Variants in MAP2K5 observed in about 807,000 individuals in gnomAD.
The protein encoded by MAP2K5 is dual specificity mitogen-activated protein kinase kinase 5.
MAP2K5 carries 49 observed loss-of-function variants against 83.1 expected under a neutral mutation model. The ratio of observed to expected loss-of-function variants is 0.59; its 90% CI spans 0.47 to 0.75. The LOEUF (loss-of-function observed/expected upper bound fraction) is 0.75, where lower values mean the gene tolerates loss of function less well. Among genes scored for constraint, MAP2K5 ranks in the 30% least tolerant of loss-of-function variants. The pLI is 0.00. For missense variants in MAP2K5, 457 were observed against 557.5 expected (o/e 0.82, Z 1.82); for synonymous variants, 202 against 191.8 (o/e 1.05, Z -0.44).
chr15:67,608,497 A>G (rs1043336360), intron 8 of MAP2K5, among the ~76,000 whole-genome samples: 2 of 152,140 alleles, frequency 1.3e-5, no homozygotes, highest in African/African-American at 2.4e-5. Context: ...AGGACCCCAC[A>G]GTCTGGGGCC....
chr15:67,726,107 A>G (rs2089089159), intron 16 of MAP2K5, among the ~76,000 whole-genome samples: 1 of 152,244 alleles, frequency 6.6e-6, no homozygotes, highest in Non-Finnish European at 1.5e-5. Context: ...GTATACCTAT[A>G]TCTTGAAAAT....
intron 13 of MAP2K5, among the ~76,000 whole-genome samples, chr15:67,684,220 G>A (rs938486113): frequency 6.6e-6 from 1 of 152,116 alleles, no homozygotes; most frequent in African/African-American, 2.4e-5. Context: ...AAAATTTCTG[G>A]GGAACTATAA....
intron 8 of MAP2K5, among the ~76,000 whole-genome samples, chr15:67,614,296 A>G (rs1358363691): frequency 1.3e-5 from 2 of 152,224 alleles, no homozygotes; most frequent in Admixed American, 6.5e-5. Flanking sequence ...AAAATGTTTT[A>G]TAAACTATAA....
At chr15:67,739,279 CAA>C (rs59837680) in intron 17 of MAP2K5, among the ~76,000 whole-genome samples, 13,408 of 78,462 alleles carry the variant, frequency 0.17, 658 homozygotes, top group Admixed American at 0.2. Context: ...GACCCTGTCT[CAA>C]AAAAAAAAAA....
chr15:67,800,006 C>A (rs1167990480), intron 21 of MAP2K5, among the ~76,000 whole-genome samples: 1 of 152,126 alleles, frequency 6.6e-6, no homozygotes, highest in Non-Finnish European at 1.5e-5. Context: ...CTTATCAGGT[C>A]CTCTCCTTCC....
intron 8 of MAP2K5, among the ~76,000 whole-genome samples, chr15:67,609,412 C>A (rs1275302421): frequency 6.6e-6 from 1 of 151,384 alleles, no homozygotes; most frequent in African/African-American, 2.4e-5. Flanking sequence ...TAGACCTATT[C>A]TATAGACCTA....
intron 5 of MAP2K5, 79 bp from the exon 6 acceptor site, chr15:67,586,767 A>T (rs893796702): frequency 5.2e-6 from 7 of 1,337,170 alleles, no homozygotes; most frequent in Non-Finnish European, 7.5e-6. Flanking sequence ...TGAAATGAGA[A>T]ATTTGTGGCA....
In MAP2K5 at chr15:67,668,363, T is replaced by TA. The variant is rs1203789967; in HGVS notation, c.847+3723dup. 6.6e-6 allele frequency among the ~76,000 whole-genome samples: 1 copy of TA among 152,170 alleles called. No individual in the cohort carries two copies. Among genetic ancestry groups the TA allele is most frequent in the East Asian group, 1.9e-4 (1 of 5,198 alleles). On this transcript the variant is annotated intron_variant, in intron 13 of 21. Coordinates refer to ENST00000178640, the MANE Select transcript of MAP2K5 (RefSeq NM_145160.3). This position sits in a 1 kb window ranked among gnomAD's most constrained non-coding sequence, Gnocchi z 4.0. ...TAATTCCACATGAGGACATAATCAT[T>TA]AAAAATGTTTGAAATGCCCACCAAA...
rs1372473975 is a variant in MAP2K5, at chr15:67,677,957, T to C, written c.847+13312T>C. ...ATTGAGGATGGCTAATTATGCTGTT[T>C]AATTTTATTTAAGGCCTTTGCAAGA... On this transcript the variant is annotated intron_variant, in intron 13 of 21. Coordinates refer to ENST00000178640, the MANE Select transcript of MAP2K5 (RefSeq NM_145160.3). The surrounding 1 kb of genome is among the most constrained non-coding windows in gnomAD (Gnocchi z 4.2). 1.3e-5 allele frequency among the ~76,000 whole-genome samples: 2 copies of C among 152,234 alleles called. No individual in the cohort carries two copies. Among genetic ancestry groups the C allele is most frequent in the South Asian group, 2.1e-4 (1 of 4,832 alleles).
At chr15:67,740,499 G>A (rs1464654084) in intron 17 of MAP2K5, among the ~76,000 whole-genome samples, 4 of 152,090 alleles carry the variant, frequency 2.6e-5, no homozygotes, top group African/African-American at 9.7e-5. Flanking sequence ...GGCGGAGGTG[G>A]GAGGATCACT....
chr15:67,618,935 G>T (rs1390494576), intron 8 of MAP2K5, among the ~76,000 whole-genome samples: 1 of 152,060 alleles, frequency 6.6e-6, no homozygotes, highest in Non-Finnish European at 1.5e-5. Context: ...TGAAATATTA[G>T]GTCTCCCCCT....
At position 67,746,585 on chromosome 15, in the gene MAP2K5, A is replaced by C. The variant is rs2089610717; in HGVS notation, c.1075-1646A>C. 6.6e-6 allele frequency among the ~76,000 whole-genome samples: 1 copy of C among 152,172 alleles called. No individual in the cohort carries two copies. Among genetic ancestry groups the C allele is most frequent in the African/African-American group, 2.4e-5 (1 of 41,432 alleles). ...TCTTAACCACTTCCGGGTGGTGGTT[A>C]CAGCTCCGCCTTCCCTTGTAATGTA... On this transcript the variant is annotated intron_variant, in intron 17 of 21. Transcript: ENST00000178640. The surrounding 1 kb of genome is among the most constrained non-coding windows in gnomAD (Gnocchi z 4.1).
intron 8 of MAP2K5, among the ~76,000 whole-genome samples, chr15:67,621,525 T>C (rs955963980): frequency 6.8e-6 from 1 of 147,016 alleles, no homozygotes; most frequent in Non-Finnish European, 1.5e-5. Flanking sequence ...AAAAACTTAA[T>C]AAAATATAGC....
intron 11 of MAP2K5, among the ~76,000 whole-genome samples, chr15:67,655,262 A>G (rs2087043720): frequency 3.9e-5 from 6 of 152,204 alleles, no homozygotes; most frequent in Admixed American, 3.3e-4. Context: ...CCTGTCTTTT[A>G]TATTTGCCTA....
At chr15:67,659,126 C>G (rs924749617) in intron 12 of MAP2K5, 2 of 236,542 alleles carry the variant, frequency 8.5e-6, no homozygotes, top group Admixed American at 1.1e-4. Flanking sequence ...AGCAGTTTTC[C>G]CATATTCTTG....
intron 4 of MAP2K5, among the ~76,000 whole-genome samples, chr15:67,582,980 C>T (rs1056947339): frequency 5.3e-5 from 8 of 152,220 alleles, no homozygotes; most frequent in South Asian, 2.1e-4. Flanking sequence ...CACTGTTCAT[C>T]GCATTATGCT....
chr15:67,711,223 G>GT (rs2088684264), intron 16 of MAP2K5, among the ~76,000 whole-genome samples: 1 of 152,124 alleles, frequency 6.6e-6, no homozygotes, highest in East Asian at 1.9e-4. Context: ...TTTTGTAATG[G>GT]TTTTTTTAAA....
chr15:67,793,083 T>C lies in MAP2K5; in HGVS notation c.1243-13563T>C, dbSNP rs142141484. Among the ~76,000 whole-genome samples the C allele has an allele frequency of 6.6e-6, 1 of 152,364 alleles. No homozygotes were observed. The highest frequency in any genetic ancestry group is 2.4e-5 in the African/African-American group (1 of 41,584). On this transcript the variant is annotated intron_variant, in intron 21 of 21. Coordinates refer to ENST00000178640, the MANE Select transcript of MAP2K5 (RefSeq NM_145160.3). This position sits in a 1 kb window ranked among gnomAD's most constrained non-coding sequence, Gnocchi z 4.6. ...TTACAAGCAAGAGGTCTTAAATGTG[T>C]TATAACACTGCTCTATCCTCTTAAA...
chr15:67,674,473 G>GA (rs545698036), intron 13 of MAP2K5, among the ~76,000 whole-genome samples: 4 of 150,270 alleles, frequency 2.7e-5, no homozygotes, highest in Admixed American at 6.6e-5. Context: ...TTTTTGAAAA[G>GA]AAAAAAAAAG....
Sources: gnomAD v4.1 joint callset for allele counts (sites outside exome capture counted in the v4.1 genomes callset) on GRCh38, gnomAD v4.1.1 for gene constraint, Gnocchi (gnomAD v3.1) non-coding constraint, MANE v1.5 for transcripts, NCBI Gene and HGNC (gene_info 2026-07-23, HGNC 2026-07-21) for gene names.